The following KCNQ1 variants were observed in gnomAD, a reference collection of about 807,000 sequenced individuals.
KCNQ1 encodes potassium voltage-gated channel subfamily KQT member 1.
KCNQ1 carries 49 observed loss-of-function variants against 72.4 expected under a neutral mutation model. The observed-to-expected ratio is 0.68, with a 90% confidence interval of 0.54 to 0.86. KCNQ1 has a LOEUF of 0.86. Among genes scored for constraint, KCNQ1 ranks in the 40% least tolerant of loss-of-function variants. The pLI, the probability that KCNQ1 is intolerant of heterozygous loss-of-function variation, is 0.00. For missense variants in KCNQ1, 790 were observed against 945.1 expected, an observed-to-expected ratio of 0.84 and a Z score of 2.15; for synonymous variants, 450 against 412.6, an observed-to-expected ratio of 1.09 and a Z score of -1.10.
chr11:2,577,197 C>T (rs1848435142), intron 6 of KCNQ1, among the ~76,000 whole-genome samples: 2 of 152,208 alleles, frequency 1.3e-5, no homozygotes, highest in Non-Finnish European at 1.5e-5. Context: ...TGCTGTGTGC[C>T]AGGCACCGGC....
At chr11:2,701,072 G>A (rs537966066) in intron 11 of KCNQ1, among the ~76,000 whole-genome samples, 1 of 152,286 alleles carries the variant, frequency 6.6e-6, no homozygotes, top group East Asian at 1.9e-4. Flanking sequence ...TCAAACACAG[G>A]AGGAAGGGGG....
chr11:2,451,911 C>T lies in KCNQ1; in HGVS notation c.386+6427C>T, dbSNP rs1180752537. ...AGAAGCCCTTAGGATGCTGTGGTCT[C>T]AAGTGAGGTGGTGCACTATTCCTGG... On this transcript the variant is annotated intron_variant, in intron 1 of 15. Transcript: ENST00000155840. The surrounding 1 kb of genome is among the most constrained non-coding windows in gnomAD (Gnocchi z 6.4). 1.3e-5 allele frequency among the ~76,000 whole-genome samples: 2 copies of T among 152,176 alleles called. No homozygotes were observed. The highest frequency in any genetic ancestry group is 2.9e-5 in the Non-Finnish European group (2 of 68,026).
intron 15 of KCNQ1, among the ~76,000 whole-genome samples, chr11:2,847,001 T>C (rs879864569): frequency 1.3e-5 from 2 of 152,246 alleles, no homozygotes; most frequent in African/African-American, 2.4e-5. Context: ...GGCACTGCTC[T>C]GACCACAGAA....
At chr11:2,702,851 C>G (rs1204763337) in intron 11 of KCNQ1, among the ~76,000 whole-genome samples, 1 of 152,194 alleles carries the variant, frequency 6.6e-6, no homozygotes, top group Non-Finnish European at 1.5e-5. Flanking sequence ...AAGGACAGTT[C>G]TGTGTCCTAT....
intron 10 of KCNQ1, chr11:2,644,362 A>G (rs1248597794): frequency 7.5e-6 from 3 of 398,252 alleles, no homozygotes; most frequent in Non-Finnish European, 1.3e-5. Context: ...GTGGTCTGTT[A>G]TTGAAGCTTT....
intron 11 of KCNQ1, chr11:2,685,469 C>T (rs1850471118): frequency 2.5e-6 from 1 of 398,722 alleles, no homozygotes; most frequent in African/African-American, 2.1e-5. Flanking sequence ...CAGTGCAACT[C>T]CCATCTCACA....
rs1846327047 is a variant in KCNQ1, at chr11:2,464,700, C to G, written c.386+19216C>G. On this transcript the variant is annotated intron_variant, in intron 1 of 15. Transcript: ENST00000155840. This position sits in a 1 kb window ranked among gnomAD's most constrained non-coding sequence, Gnocchi z 5.0. ...CTCTCAGGGGCCAGGATTACATGGT[C>G]CGTGTTGGACTCTGGGATGCTGGTG... is the stretch of plus-strand genomic sequence containing the variant. Among the ~76,000 whole-genome samples the G allele has an allele frequency of 6.6e-6, 1 of 152,114 alleles. No homozygotes were observed. The highest frequency in any genetic ancestry group is 6.5e-5 in the Admixed American group (1 of 15,278).
rs1271608578 is a variant in KCNQ1 at position 2,589,994 on chromosome 11, G to A, written c.1393+1140G>A. 3.9e-5 allele frequency among the ~76,000 whole-genome samples: 6 copies of A among 152,324 alleles called. No homozygotes were observed. In the East Asian group the frequency reaches 1.2e-3, roughly 29 times the overall value. ...ATGCCCTTGAGAGTTAGGAGAGGTG[G>A]AAGGGACCCCACTTCTCCCTGGGAG... On this transcript the variant is annotated intron_variant, in intron 10 of 15. Coordinates refer to ENST00000155840, the MANE Select transcript of KCNQ1 (RefSeq NM_000218.3).
intron 10 of KCNQ1, chr11:2,655,447 A>G: frequency 2.5e-6 from 1 of 398,680 alleles, no homozygotes. Context: ...CAGTTCAGCA[A>G]AGGGCACCTG....
rs1409316519 is a variant in KCNQ1 at position 2,762,052 on chromosome 11, G to A, written c.1515-6792G>A. Among the ~76,000 whole-genome samples the A allele has an allele frequency of 6.6e-6, 1 of 152,242 alleles. No individual in the cohort carries two copies. Among genetic ancestry groups the A allele is most frequent in the Non-Finnish European group, 1.5e-5 (1 of 68,046 alleles). ...CTCCCAAGGCCCTAAGTGACAGCCA[G>A]TGGTAGACCCTTCACGGTCAGGCAC... On this transcript the variant is annotated intron_variant, in intron 11 of 15. Coordinates refer to ENST00000155840, the MANE Select transcript of KCNQ1 (RefSeq NM_000218.3). The surrounding 1 kb of genome is among the most constrained non-coding windows in gnomAD (Gnocchi z 4.3).
intron 11 of KCNQ1, among the ~76,000 whole-genome samples, chr11:2,726,484 C>T (rs558116908): frequency 1.6e-4 from 24 of 152,206 alleles, no homozygotes; most frequent in African/African-American, 4.3e-4. Context: ...AGGCCCCAGG[C>T]GGAGACACCA....
In KCNQ1 at chr11:2,775,502, G is replaced by A. The variant is rs551857433; in HGVS notation, c.1591-458G>A. Among the ~76,000 whole-genome samples, 8 of 152,346 alleles carry A rather than the reference G, an allele frequency of 5.3e-5. No individual in the cohort carries two copies. In the East Asian group the frequency reaches 1.2e-3, roughly 22 times the overall value. The stretch of plus-strand genomic sequence containing the variant: ...CGCTCCCTACCCTGAGGACAGTGGC[G>A]GCTGCAGCCAGTGAGCATGTCAAGG... On this transcript the variant is annotated intron_variant, in intron 12 of 15. Transcript: ENST00000155840.
chr11:2,738,467 T>A (rs920477985), intron 11 of KCNQ1, among the ~76,000 whole-genome samples: 1 of 152,164 alleles, frequency 6.6e-6, no homozygotes, highest in African/African-American at 2.4e-5. Flanking sequence ...GACAAGGGAA[T>A]CTCAGGCTTC....
chr11:2,756,052 C>T (rs1464492468), intron 11 of KCNQ1, among the ~76,000 whole-genome samples: 2 of 152,126 alleles, frequency 1.3e-5, no homozygotes, highest in Admixed American at 6.5e-5. Context: ...GGATGTAGGG[C>T]CCAGGGTCTC....
At chr11:2,629,843 T>C (rs999830193) in intron 10 of KCNQ1, 8 of 397,830 alleles carry the variant, frequency 2.0e-5, no homozygotes, top group African/African-American at 1.7e-4. Flanking sequence ...TGTAGCATTT[T>C]CTACATATAT....
In KCNQ1 at chr11:2,767,356, C is replaced by T. The variant is rs1846518048; in HGVS notation, c.1515-1488C>T. Among the ~76,000 whole-genome samples the T allele has an allele frequency of 1.3e-5, 2 of 152,186 alleles. No individual in the cohort carries two copies. Among genetic ancestry groups the T allele is most frequent in the African/African-American group, 4.8e-5 (2 of 41,450 alleles). On this transcript the variant is annotated intron_variant, in intron 11 of 15. Transcript: ENST00000155840. The surrounding 1 kb of genome is among the most constrained non-coding windows in gnomAD (Gnocchi z 4.6). ...AAGGACATGAATTATATACCGTGTA[C>T]ATTCCCCAGTACTCTTTCATCAGTG... is the stretch of plus-strand genomic sequence containing the variant.
chr11:2,581,108 G>C (rs1355669590), intron 6 of KCNQ1, among the ~76,000 whole-genome samples: 1 of 152,224 alleles, frequency 6.6e-6, no homozygotes, highest in Non-Finnish European at 1.5e-5. Context: ...ACAGACTCTG[G>C]AGCCCTCTTG....
chr11:2,822,138 A>G (rs147779086), intron 15 of KCNQ1, among the ~76,000 whole-genome samples: 1 of 152,314 alleles, frequency 6.6e-6, no homozygotes, highest in African/African-American at 2.4e-5. Flanking sequence ...CAGCCCAGGA[A>G]CGCAGGCAGC....
rs193265337 is a variant in KCNQ1 at position 2,720,892 on chromosome 11, C to G, written c.1515-47952C>G. ...GGGCCTGGCCTGGACCTCGAGGCCACTGGGGACTTGGCTACCTGAGGGAGA... is the reference window on the plus strand; with the variant it reads ...GGGCCTGGCCTGGACCTCGAGGCCAGTGGGGACTTGGCTACCTGAGGGAGA... On this transcript the variant is annotated intron_variant, in intron 11 of 15. Transcript: ENST00000155840. This position sits in a 1 kb window ranked among gnomAD's most constrained non-coding sequence, Gnocchi z 5.1. Among the ~76,000 whole-genome samples the G allele has an allele frequency of 6.5e-3, 984 of 152,198 alleles. 4 individuals carry two copies. Among genetic ancestry groups the G allele is most frequent in the Non-Finnish European group, 0.01 (702 of 67,998 alleles).
Sources: gnomAD v4.1 joint callset for allele counts (sites outside exome capture counted in the v4.1 genomes callset) on GRCh38, gnomAD v4.1.1 for gene constraint, Gnocchi (gnomAD v3.1) non-coding constraint, MANE v1.5 for transcripts, NCBI Gene and HGNC (gene_info 2026-07-23, HGNC 2026-07-21) for gene names.